The following KLF15 variants were observed in gnomAD, a reference collection of about 807,000 sequenced individuals.
KLF15 encodes the protein KLF transcription factor 15, also known as Krueppel-like factor 15.
KLF15 carries 4 observed loss-of-function variants against 24.6 expected under a neutral mutation model. The ratio of observed to expected loss-of-function variants is 0.16; its 90% CI spans 0.08 to 0.37. KLF15 has a LOEUF of 0.37. KLF15 is among the 10% of genes least tolerant of loss of function. The pLI, the probability that KLF15 is intolerant of heterozygous loss-of-function variation, is 1.00. For missense variants in KLF15, 496 were observed against 560.6 expected, an observed-to-expected ratio of 0.88 and a Z score of 1.16; for synonymous variants, 246 against 236.3, an observed-to-expected ratio of 1.04 and a Z score of -0.37.
the KLF15 span, among the ~76,000 whole-genome samples, chr3:126,300,585 C>T: frequency 2.4e-4 from 37 of 152,358 alleles, 1 homozygote; most frequent in East Asian, 1.9e-3. Flanking sequence ...TTTCCCCGTC[C>T]CCATGCTCTG....
the KLF15 span, among the ~76,000 whole-genome samples, chr3:126,304,255 C>T: frequency 7.2e-5 from 11 of 152,232 alleles, no homozygotes; most frequent in South Asian, 2.1e-4. Context: ...TATCATCTTT[C>T]GGATTTGTTA....
In KLF15 at chr3:126,352,556, G is replaced by A. The variant is rs201828211; in HGVS notation, c.367C>T (p.Pro123Ser). 23 of 1,612,796 alleles carry A rather than the reference G, an allele frequency of 1.4e-5. No individual in the cohort carries two copies. The highest frequency in any genetic ancestry group is 1.8e-5 in the Non-Finnish European group (21 of 1,180,010). ...APVKGEHFCL[P>S]EFPLGDPDDV... ...TCAGGATCACCCAAAGGAAACTCGG[G>A]CAAGCAGAAATGCTCCCCCTTCACA... Residue 123 changes from proline to serine, a missense_variant, in exon 2 of 3, where the codon CCC becomes TCC. Around this residue, in one of 3 missense-constraint regions of KLF15, gnomAD observed 399 missense variants for 423.1 expected, o/e 0.94. Coordinates refer to ENST00000296233, the MANE Select transcript of KLF15 (RefSeq NM_014079.4).
chr3:126,319,347 T>G, the KLF15 span, among the ~76,000 whole-genome samples: 1 of 152,244 alleles, frequency 6.6e-6, no homozygotes, highest in Non-Finnish European at 1.5e-5. Context: ...ATGTTTAGTT[T>G]TGTAAGAAAT....
At chr3:126,349,194 C>G (rs2082561322) in intron 2 of KLF15, among the ~76,000 whole-genome samples, 1 of 152,294 alleles carries the variant, frequency 6.6e-6, no homozygotes, top group Admixed American at 6.5e-5. Flanking sequence ...CTCCCCGCAT[C>G]CTCAGAAAAG....
the KLF15 span, among the ~76,000 whole-genome samples, chr3:126,310,406 G>T: frequency 6.6e-6 from 1 of 152,204 alleles, no homozygotes; most frequent in Non-Finnish European, 1.5e-5. Flanking sequence ...CCCCAGCATT[G>T]GATAGCACAG....
Position 126,349,252 on chromosome 3 carries a change from C to T in KLF15, c.1082+2589G>A, listed in dbSNP as rs952208194. Among the ~76,000 whole-genome samples, 18 of 152,316 alleles carry T rather than the reference C, an allele frequency of 1.2e-4. No individual in the cohort carries two copies. In the East Asian group the frequency reaches 3.5e-3, roughly 29 times the overall value. ...TCCTCAGCTCCCAGCCGAACAGCGC[C>T]TCTGCCATGAGTTACCCCACCAGGG... On this transcript the variant is annotated intron_variant, in intron 2 of 2. Coordinates refer to ENST00000296233, the MANE Select transcript of KLF15 (RefSeq NM_014079.4).
rs1028320147 is a variant in KLF15, at chr3:126,352,029, A to G, written c.894T>C (p.Pro298=). 6.5e-7 allele frequency: 1 copy of G among 1,538,444 alleles called. No individual in the cohort carries two copies. The highest frequency in any genetic ancestry group is 8.8e-7 in the Non-Finnish European group (1 of 1,140,764). The change falls in exon 2 of 3, where the codon CCT becomes CCC. Residue 298 remains proline, a synonymous_variant. Transcript: ENST00000296233. ...AKPVGSGPLG[P]GPAGLLMGQK... ...GGCCCATGAGGAGACCGGCAGGGCC[A>G]GGCCCCAGGGGTCCCGATCCAACAG...
chr3:126,352,494 C>A lies in KLF15; in HGVS notation c.429G>T (p.Glu143Asp), dbSNP rs1362885075. Residue 143 changes from glutamate to aspartate, a missense_variant, in exon 2 of 3, where the codon GAG becomes GAT. This residue lies in a region of KLF15 where 399 missense variants were observed against 423.1 expected (regional missense o/e 0.94). Transcript: ENST00000296233. ...TGTTCTCCTCCAGAAACTCTTCAAT[C>A]TCCTCCAGGGTAGGCTGGAAGGGCC... The part of the protein sequence containing the change: ...VPRPFQPTLE[E>D]IEEFLEENME... 20 of 1,613,414 alleles carry A rather than the reference C, an allele frequency of 1.2e-5. No homozygotes were observed. The highest frequency in any genetic ancestry group is 1.7e-5 in the Non-Finnish European group (20 of 1,180,032).
the KLF15 span, among the ~76,000 whole-genome samples, chr3:126,331,993 G>A: frequency 6.6e-6 from 1 of 152,214 alleles, no homozygotes; most frequent in African/African-American, 2.4e-5. Flanking sequence ...GAGGCTGGGG[G>A]AGGGGCGCCC....
chr3:126,352,215 AG>A lies in KLF15; in HGVS notation c.707del (p.Pro236LeufsTer37). 1 of 1,543,562 alleles carries A rather than the reference AG, an allele frequency of 6.5e-7. No homozygotes were observed. Among genetic ancestry groups the A allele is most frequent in the Non-Finnish European group, 8.7e-7 (1 of 1,147,716 alleles). On this transcript the variant is annotated frameshift_variant, in exon 2 of 3. Coordinates refer to ENST00000296233, the MANE Select transcript of KLF15 (RefSeq NM_014079.4). LOFTEE classifies it high-confidence loss of function. The stretch of plus-strand genomic sequence containing the variant: ...TCTCTGGGGCTTGCCCAGGGGAGGC[AG>A]GCCCTGTGCCCGATTCCTGCTTCAC... ...VPVKQESGTG[P>X]ASPGQAPENV...
the KLF15 span, among the ~76,000 whole-genome samples, chr3:126,314,008 C>T: frequency 3.3e-3 from 496 of 152,356 alleles, 8 homozygotes; most frequent in African/African-American, 0.012. Context: ...CATGCTGCAA[C>T]AGCAGTTGAT....
chr3:126,291,732 C>T, the KLF15 span, among the ~76,000 whole-genome samples: 1 of 152,240 alleles, frequency 6.6e-6, no homozygotes, highest in African/African-American at 2.4e-5. Context: ...CTGCCTGTGG[C>T]TTGCTGATCA....
At chr3:126,340,553 T>C (rs192861457), downstream of KLF15, among the ~76,000 whole-genome samples, 2 of 152,364 alleles carry the variant, frequency 1.3e-5, no homozygotes, top group Admixed American at 6.5e-5. Context: ...TTCTTTGTTA[T>C]AGTAGCCTAA....
At chr3:126,318,550 G>T in the KLF15 span, among the ~76,000 whole-genome samples, 1 of 152,166 alleles carries the variant, frequency 6.6e-6, no homozygotes, top group Non-Finnish European at 1.5e-5. Flanking sequence ...GGGATAAAAC[G>T]TCAGTGTTGG....
chr3:126,356,291 G>A lies in KLF15; in HGVS notation c.-26+946C>T, dbSNP rs989473916. Among the ~76,000 whole-genome samples, 4 of 152,120 alleles carry A rather than the reference G, an allele frequency of 2.6e-5. No individual in the cohort carries two copies. The highest frequency in any genetic ancestry group is 2.1e-4 in the South Asian group (1 of 4,826). On this transcript the variant is annotated intron_variant, in intron 1 of 2. Transcript: ENST00000296233. This position sits in a 1 kb window ranked among gnomAD's most constrained non-coding sequence, Gnocchi z 4.4. ...GGTCTCCCCAGGGGCCACCTGGTCC[G>A]GGGGGACAGGGGGAAGGAGATTTGA...
chr3:126,298,718 AG>A, the KLF15 span, among the ~76,000 whole-genome samples: 1 of 152,162 alleles, frequency 6.6e-6, no homozygotes, highest in Non-Finnish European at 1.5e-5. Flanking sequence ...TTTGTTGAAC[AG>A]GGTGTCCTTT....
chr3:126,306,964 T>G, the KLF15 span, among the ~76,000 whole-genome samples: 1 of 152,334 alleles, frequency 6.6e-6, no homozygotes, highest in East Asian at 1.9e-4. Flanking sequence ...CTCTGCCAAT[T>G]GCCACGTCCT....
the KLF15 span, among the ~76,000 whole-genome samples, chr3:126,334,305 C>T: frequency 6.7e-6 from 1 of 148,188 alleles, no homozygotes; most frequent in South Asian, 2.3e-4. Context: ...AACTGAACAA[C>T]CTGCTCCTGA....
chr3:126,340,890 GGGGCTGCAGCA>G (rs1356809309), downstream of KLF15, among the ~76,000 whole-genome samples: 1 of 114,040 alleles, frequency 8.8e-6, no homozygotes, highest in African/African-American at 3.3e-5. Flanking sequence ...TGCTGACATT[GGGGCTGCAGCA>G]GGAACCTGGG....
Sources: allele counts gnomAD v4.1 joint callset (sites outside exome capture counted in the v4.1 genomes callset), GRCh38; gene constraint gnomAD v4.1.1; regional missense constraint gnomAD v4.1.1; non-coding constraint Gnocchi (gnomAD v3.1); transcripts MANE v1.5; gene names NCBI Gene and HGNC (gene_info 2026-07-23, HGNC 2026-07-21).